Variants in SLC5A12 observed in about 807,000 individuals in gnomAD.
SLC5A12 encodes the protein solute carrier family 5 member 12.
A neutral mutation model predicts 72.7 loss-of-function variants in SLC5A12; 46 were observed. The observed-to-expected ratio is 0.63, with a 90% CI of 0.50 to 0.81. SLC5A12 has a LOEUF of 0.81. Among genes scored for constraint, SLC5A12 ranks in the 30% least tolerant of loss-of-function variants. The probability of loss-of-function intolerance (pLI) is 0.00; values close to 1 mark genes in which losing one functional copy is unlikely to be tolerated. For synonymous variants in SLC5A12, 275 were observed against 264.4 expected (o/e 1.04, Z -0.39); for missense variants, 683 against 740.7 (o/e 0.92, Z 0.90).
chr11:26,717,715 G>T (rs1855384073), intron 1 of SLC5A12, among the ~76,000 whole-genome samples: 1 of 152,164 alleles, frequency 6.6e-6, no homozygotes, highest in Non-Finnish European at 1.5e-5. Context: ...TCTGAGGTCA[G>T]GCTGGGTGAT....
At chr11:26,703,721 A>G in intron 5 of SLC5A12, 50 bp from the exon 6 acceptor site, 1 of 1,613,102 alleles carries the variant, frequency 6.2e-7, no homozygotes, top group South Asian at 1.1e-5. Context: ...TTGATGCCTA[A>G]GATATTATTT....
intron 1 of SLC5A12, among the ~76,000 whole-genome samples, chr11:26,716,769 T>G (rs1590743098): frequency 1.3e-5 from 2 of 152,286 alleles, no homozygotes; most frequent in Middle Eastern, 6.8e-3. Flanking sequence ...CTTGCATTCA[T>G]CCTCTCTTAC....
chr11:26,682,107 A>C (rs925917198), intron 11 of SLC5A12, among the ~76,000 whole-genome samples: 5 of 151,876 alleles, frequency 3.3e-5, no homozygotes, highest in Admixed American at 2.6e-4. Context: ...ACAACAACTC[A>C]GTTCTCTTAT....
intron 1 of SLC5A12, among the ~76,000 whole-genome samples, chr11:26,719,716 G>T (rs936502508): frequency 1.3e-5 from 2 of 152,088 alleles, no homozygotes; most frequent in South Asian, 4.1e-4. Context: ...CCATTTAGAC[G>T]TCTTATTTTA....
At chr11:26,688,410 A>G (rs756060450) in intron 9 of SLC5A12, among the ~76,000 whole-genome samples, 18 of 152,186 alleles carry the variant, frequency 1.2e-4, no homozygotes, top group Non-Finnish European at 2.5e-4. Flanking sequence ...TCTACTTGCT[A>G]TCAGCTCTAA....
chr11:26,703,425 T>TATACAC (rs1855006887), intron 6 of SLC5A12, 106 bp downstream of exon 6: 1 of 882,104 alleles, frequency 1.1e-6, no homozygotes, highest in East Asian at 2.6e-5. Flanking sequence ...CACACATACA[T>TATACAC]ACACACACAC....
chr11:26,682,912 A>C (rs1038241253), intron 11 of SLC5A12, among the ~76,000 whole-genome samples: 2 of 152,100 alleles, frequency 1.3e-5, no homozygotes, highest in Admixed American at 1.3e-4. Context: ...AATCTCCTTT[A>C]CTTAGCCCCA....
intron 6 of SLC5A12, among the ~76,000 whole-genome samples, chr11:26,702,369 G>A (rs1342653703): frequency 6.6e-6 from 1 of 152,130 alleles, no homozygotes; most frequent in Non-Finnish European, 1.5e-5. Flanking sequence ...ATCGTTTCCA[G>A]GCAATTTTAT....
At chr11:26,675,969 C>CTGTGTGTG (rs10695732) in intron 13 of SLC5A12, among the ~76,000 whole-genome samples, 67,495 of 150,592 alleles carry the variant, frequency 0.45, 15,710 homozygotes, top group Middle Eastern at 0.58. Flanking sequence ...GTGCATGTAT[C>CTGTGTGTG]TGTGTGTGTG....
At chr11:26,710,808 G>A (rs1311413440) in intron 3 of SLC5A12, among the ~76,000 whole-genome samples, 2 of 151,926 alleles carry the variant, frequency 1.3e-5, no homozygotes, top group Non-Finnish European at 2.9e-5. Flanking sequence ...CAATATTGAG[G>A]ACTTTCAATA....
chr11:26,713,850 C>T (rs1483649419), intron 1 of SLC5A12, among the ~76,000 whole-genome samples: 1 of 152,146 alleles, frequency 6.6e-6, no homozygotes, highest in Non-Finnish European at 1.5e-5. Flanking sequence ...CTACACGAGG[C>T]TTTAAGGAAA....
intron 1 of SLC5A12, among the ~76,000 whole-genome samples, chr11:26,714,798 C>T (rs571388256): frequency 6.6e-6 from 1 of 152,222 alleles, no homozygotes; most frequent in East Asian, 1.9e-4. Flanking sequence ...AGAACTGTGA[C>T]TCCATTTTAT....
chr11:26,678,585 C>T, intron 13 of SLC5A12, 127 bp downstream of exon 13: 1 of 671,366 alleles, frequency 1.5e-6, no homozygotes, highest in Non-Finnish European at 2.6e-6. Flanking sequence ...AGAGAGTAGA[C>T]ATCTCTGTGG....
At chr11:26,702,598 C>G (rs937394559) in intron 6 of SLC5A12, among the ~76,000 whole-genome samples, 1 of 152,064 alleles carries the variant, frequency 6.6e-6, no homozygotes, top group Non-Finnish European at 1.5e-5. Context: ...ACTTTGGTCT[C>G]TACTTTGGAG....
chr11:26,683,850 A>T lies in SLC5A12; in HGVS notation c.1222-7T>A. 6.3e-7 allele frequency: 1 copy of T among 1,586,486 alleles called. No homozygotes were observed. The highest frequency in any genetic ancestry group is 8.6e-7 in the Non-Finnish European group (1 of 1,166,528). On this transcript the variant is annotated splice_region_variant and splice_polypyrimidine_tract_variant and intron_variant, in intron 10 of 14. Coordinates refer to ENST00000396005, the MANE Select transcript of SLC5A12 (RefSeq NM_178498.4). Reference sequence around the variant, plus strand: ...CGTGAATGCTGAGGGAAGCCTGTGGAACAAAGGCAGACCAGATGAATCCCC... The same window carrying T: ...CGTGAATGCTGAGGGAAGCCTGTGGTACAAAGGCAGACCAGATGAATCCCC...
chr11:26,671,312 G>C (rs1854137481), intron 14 of SLC5A12, 61 bp from the exon 15 acceptor site: 2 of 1,446,056 alleles, frequency 1.4e-6, no homozygotes, highest in Admixed American at 2.4e-5. Flanking sequence ...AAATTAACCT[G>C]AGAGAATCTT....
upstream of SLC5A12, among the ~76,000 whole-genome samples, chr11:26,722,792 T>G (rs553307095): frequency 1.3e-5 from 2 of 151,778 alleles, no homozygotes; most frequent in South Asian, 4.2e-4. Flanking sequence ...CTAGTGCAAT[T>G]TCTAATTTTG....
chr11:26,693,783 G>GAT (rs144254458), intron 8 of SLC5A12, among the ~76,000 whole-genome samples: 116 of 151,300 alleles, frequency 7.7e-4, no homozygotes, highest in Admixed American at 4.3e-3. Flanking sequence ...TTCTCTAAGT[G>GAT]ATATATATAT....
chr11:26,680,711 T>A (rs960005169), intron 12 of SLC5A12, among the ~76,000 whole-genome samples: 2 of 152,086 alleles, frequency 1.3e-5, no homozygotes, highest in African/African-American at 4.8e-5. Flanking sequence ...AGCATTATCC[T>A]CATTGCTCAC....
Sources: allele counts gnomAD v4.1 joint callset (sites outside exome capture counted in the v4.1 genomes callset), GRCh38; gene constraint gnomAD v4.1.1; transcripts MANE v1.5; gene names NCBI Gene and HGNC (gene_info 2026-07-23, HGNC 2026-07-21).